Variants in EEF1E1 observed in about 807,000 individuals in gnomAD.
The protein encoded by EEF1E1 is eukaryotic translation elongation factor 1 epsilon 1, also known as eukaryotic translation elongation factor 1 epsilon-1.
In EEF1E1, 19 loss-of-function variants were observed where a neutral mutation model predicts 19.9. That is an observed-to-expected ratio of 0.95 (90% confidence interval 0.66 to 1.40). EEF1E1 has a LOEUF of 1.40. EEF1E1 is among the 40% of genes most tolerant of loss of function. The probability of loss-of-function intolerance (pLI) is 0.00; values close to 1 mark genes in which losing one functional copy is unlikely to be tolerated. For synonymous variants in EEF1E1, 81 were observed against 80.0 expected (o/e 1.01, Z -0.07); for missense variants, 198 against 202.2 (o/e 0.98, Z 0.13).
intron 3 of EEF1E1, among the ~76,000 whole-genome samples, chr6:8,082,127 G>A (rs1318477880): frequency 2.0e-5 from 3 of 152,134 alleles, no homozygotes; most frequent in Non-Finnish European, 4.4e-5. Flanking sequence ...CTAACATACA[G>A]AACACAGCAA....
chr6:8,074,180 G>C (rs1272371171), intron 3 of EEF1E1, among the ~76,000 whole-genome samples: 2 of 152,198 alleles, frequency 1.3e-5, no homozygotes, highest in East Asian at 3.8e-4. Context: ...CGTTCAGCAT[G>C]GAGTAGCAAA....
chr6:8,092,869 C>CCTTT (rs1491119699), intron 2 of EEF1E1, among the ~76,000 whole-genome samples: 4 of 93,762 alleles, frequency 4.3e-5, no homozygotes, highest in Admixed American at 1.5e-4. Flanking sequence ...ATAAAGACTG[C>CCTTT]TTTTTTTTTT....
At chr6:8,098,886 A>C (rs1170889760) in intron 1 of EEF1E1, among the ~76,000 whole-genome samples, 1 of 152,234 alleles carries the variant, frequency 6.6e-6, no homozygotes, top group Non-Finnish European at 1.5e-5. Context: ...ATTTGTAAAA[A>C]TAAATTATCC....
At chr6:8,082,496 C>T (rs1356523330) in intron 3 of EEF1E1, among the ~76,000 whole-genome samples, 2 of 152,158 alleles carry the variant, frequency 1.3e-5, no homozygotes, top group African/African-American at 4.8e-5. Flanking sequence ...CCAGGCTGGT[C>T]TCGAACTCCT....
In EEF1E1 at chr6:8,090,356, T is replaced by C. The variant is rs966017114; in HGVS notation, c.289-75A>G. ...TAAAGTTAATTATCATATCATGACT[T>C]AAAAGATTTAGGCTACTAGAAAACA... On this transcript the variant is annotated intron_variant, in intron 2 of 3. Coordinates refer to ENST00000379715, the MANE Select transcript of EEF1E1 (RefSeq NM_004280.5). 21 of 1,096,224 alleles carry C rather than the reference T, an allele frequency of 1.9e-5. No individual in the cohort carries two copies. In the Admixed American group the frequency reaches 3.3e-4, roughly 17 times the overall value. The allele number at this position is 1,096,224 out of a possible 1,614,324, so 67.9% of individuals were successfully genotyped here.
rs558265770 is a variant in EEF1E1 at position 8,097,115 on chromosome 6, T to C, written c.288+152A>G. ...GGAGGGGCTGGTGGGGGGAACAGAG[T>C]CTGTTCCAGGCAGAGGGAATAACAG... On this transcript the variant is annotated intron_variant, in intron 2 of 3. Transcript: ENST00000379715. The C allele has an allele frequency of 2.4e-5, 18 of 737,010 alleles. 1 individual carries two copies. In the South Asian group the frequency reaches 3.3e-4, roughly 13 times the overall value. 45.7% of individuals were successfully genotyped at this position (737,010 alleles called of 1,614,324 possible). A position where few individuals can be genotyped will look rare whatever the true frequency, so the allele number is the denominator to read the frequency against.
chr6:8,102,444 G>T lies in EEF1E1; in HGVS notation c.78C>A (p.Gly26=). The T allele has an allele frequency of 6.2e-7, 1 of 1,611,038 alleles. No homozygotes were observed. Residue 26 remains glycine, a synonymous_variant, in exon 1 of 4, where the codon GGC becomes GGA. Coordinates refer to ENST00000379715, the MANE Select transcript of EEF1E1 (RefSeq NM_004280.5). ...CGCCTCTCCTTCTCACCTGTCGCTC[G>T]CCCTGAGCACTGTATTTATTCCCCT... ...LSKGNKYSAQ[G]ERQIPVLQTN...
At chr6:8,098,987 T>C (rs1187730071) in intron 1 of EEF1E1, among the ~76,000 whole-genome samples, 1 of 152,196 alleles carries the variant, frequency 6.6e-6, no homozygotes, top group African/African-American at 2.4e-5. Context: ...CTCATCCTCA[T>C]TTTACAGATA....
At chr6:8,097,118 G>A (rs1052719939) in intron 2 of EEF1E1, 149 bp downstream of exon 2, 5 of 773,950 alleles carry the variant, frequency 6.5e-6, no homozygotes, top group African/African-American at 1.7e-5. Flanking sequence ...AACAGAGTCT[G>A]TTCCAGGCAG....
At chr6:8,093,629 C>A (rs1486869698) in intron 2 of EEF1E1, among the ~76,000 whole-genome samples, 1 of 151,856 alleles carries the variant, frequency 6.6e-6, no homozygotes, top group African/African-American at 2.4e-5. Flanking sequence ...AAGAATTAAA[C>A]CCTTTCATAA....
At chr6:8,101,980 TCC>T in intron 1 of EEF1E1, 1 of 1,242,700 alleles carries the variant, frequency 8.0e-7, no homozygotes, top group Non-Finnish European at 1.0e-6. Flanking sequence ...GGAAGCATGT[TCC>T]CCTAAATCAT....
At chr6:8,075,563 T>A (rs979058176), downstream of EEF1E1, among the ~76,000 whole-genome samples, 17 of 152,288 alleles carry the variant, frequency 1.1e-4, no homozygotes, top group Non-Finnish European at 1.8e-4. Flanking sequence ...CTAAAAAAAA[T>A]TTTATTGCTA....
chr6:8,102,338 C>T (rs757262767), intron 1 of EEF1E1, 97 bp downstream of exon 1: 31 of 1,272,850 alleles, frequency 2.4e-5, no homozygotes, highest in Non-Finnish European at 3.2e-5. Flanking sequence ...AGCATCCTCA[C>T]TCCGCCCGTA....
chr6:8,085,982 G>T (rs1757843553), intron 3 of EEF1E1, among the ~76,000 whole-genome samples: 1 of 152,072 alleles, frequency 6.6e-6, no homozygotes, highest in Non-Finnish European at 1.5e-5. Context: ...TCCCTCTCAA[G>T]TATGGCATAG....
At chr6:8,089,454 T>G (rs1757956870) in intron 3 of EEF1E1, among the ~76,000 whole-genome samples, 1 of 152,158 alleles carries the variant, frequency 6.6e-6, no homozygotes, top group South Asian at 2.1e-4. Flanking sequence ...GTTCCAAAAC[T>G]GAAGAACTTG....
intron 2 of EEF1E1, among the ~76,000 whole-genome samples, chr6:8,091,043 TTACAAG>T (rs1360086520): frequency 1.3e-5 from 2 of 152,244 alleles, no homozygotes; most frequent in Admixed American, 6.5e-5. Context: ...GGGTATATAC[TTACAAG>T]TACAATTGCT....
chr6:8,102,184 T>C (rs1301602757), intron 1 of EEF1E1: 1 of 1,154,502 alleles, frequency 8.7e-7, no homozygotes, highest in African/African-American at 1.6e-5. Context: ...CATAATGGGA[T>C]GATGACAATT....
intron 1 of EEF1E1, among the ~76,000 whole-genome samples, chr6:8,099,409 C>T (rs1446380367): frequency 6.6e-6 from 1 of 152,186 alleles, no homozygotes; most frequent in Non-Finnish European, 1.5e-5. Flanking sequence ...TAGGCTATAT[C>T]ATATACCTAC....
chr6:8,093,480 T>C (rs1758079965), intron 2 of EEF1E1, among the ~76,000 whole-genome samples: 1 of 152,070 alleles, frequency 6.6e-6, no homozygotes, highest in African/African-American at 2.4e-5. Flanking sequence ...AACAACTATA[T>C]ACCCTCCATC....
Sources: allele counts gnomAD v4.1 joint callset (sites outside exome capture counted in the v4.1 genomes callset), GRCh38; gene constraint gnomAD v4.1.1; transcripts MANE v1.5; gene names NCBI Gene and HGNC (gene_info 2026-07-23, HGNC 2026-07-21).